The following BCL2L13 variants were observed in gnomAD, a reference collection of about 807,000 sequenced individuals.
The protein encoded by BCL2L13 is BCL2 like 13.
BCL2L13 carries 13 observed loss-of-function variants against 25.8 expected under a neutral mutation model. The ratio of observed to expected loss-of-function variants is 0.50; its 90% CI spans 0.33 to 0.80. The LOEUF (loss-of-function observed/expected upper bound fraction) is 0.80. BCL2L13 is among the 30% of genes least tolerant of loss of function. BCL2L13 has a pLI of 0.02. For synonymous variants in BCL2L13, 244 were observed against 230.3 expected (o/e 1.06, Z -0.54); for missense variants, 504 against 574.9 (o/e 0.88, Z 1.26).
intron 4 of BCL2L13, among the ~76,000 whole-genome samples, chr22:17,689,888 A>G (rs1335184396): frequency 1.3e-5 from 2 of 151,314 alleles, no homozygotes; most frequent in Non-Finnish European, 2.9e-5. Context: ...TCTGTATCCC[A>G]GAAGTTGCTC....
At position 17,727,519 on chromosome 22, in the gene BCL2L13, T is replaced by C; in HGVS notation, c.1443T>C (p.Ala481=). ...ILAVAIGVAL[A]LRKK is the part of the protein sequence containing the mutation. ...CAGTGGCCATCGGGGTAGCCCTGGC[T>C]CTGAGAAAGAAATAGGAGGCTTTTC... The change falls in exon 7 of 7, where the codon GCT becomes GCC. Residue 481 remains alanine, a synonymous_variant. Coordinates refer to ENST00000317582, the MANE Select transcript of BCL2L13 (RefSeq NM_015367.4). The C allele has an allele frequency of 6.2e-7, 1 of 1,614,038 alleles. No homozygotes were observed. Among genetic ancestry groups the C allele is most frequent in the South Asian group, 1.1e-5 (1 of 91,080 alleles).
At position 17,638,807 on chromosome 22, in the gene BCL2L13, C is replaced by G. The variant is rs538605210; in HGVS notation, c.-130C>G. On this transcript the variant is annotated 5_prime_UTR_variant, in exon 1 of 7. Coordinates refer to ENST00000317582, the MANE Select transcript of BCL2L13 (RefSeq NM_015367.4). ...GATTAGGGCCGCGGGTCGGAGCACT[C>G]ACCGCCGCTGGGGGACCCTGTCGGA... 5.7e-6 allele frequency: 7 copies of G among 1,231,838 alleles called. No homozygotes were observed. In the East Asian group the frequency reaches 9.5e-5, roughly 17 times the overall value. The allele number at this position is 1,231,838 out of a possible 1,614,324, so 76.3% of individuals were successfully genotyped here.
At position 17,728,557 on chromosome 22, in the gene BCL2L13, A is replaced by AT. The variant is rs1205043119; in HGVS notation, c.*1029dup. On this transcript the variant is annotated 3_prime_UTR_variant, in exon 7 of 7. Coordinates refer to ENST00000317582, the MANE Select transcript of BCL2L13 (RefSeq NM_015367.4). ...CCTGTCTATAACCTTGGGCTAGTAT[A>AT]TTTTTTCCAATATGGGACCTTAGTC... The AT allele has an allele frequency of 4.6e-5, 7 of 151,992 alleles. No homozygotes were observed. The highest frequency in any genetic ancestry group is 1.0e-4 in the Non-Finnish European group (7 of 67,998). The allele number at this position is 151,992 out of a possible 1,614,324, so 9.4% of individuals were successfully genotyped here.
In BCL2L13 at chr22:17,670,404, C is replaced by T. The variant is rs1021723348; in HGVS notation, c.122-12810C>T. Among the ~76,000 whole-genome samples, 25 of 126,102 alleles carry T rather than the reference C, an allele frequency of 2.0e-4. No homozygotes were observed. The East Asian group carries it at 2.3e-3, about 12-fold the overall frequency. 82.7% of individuals were successfully genotyped at this position (126,102 alleles called of 152,430 possible). On this transcript the variant is annotated intron_variant, in intron 2 of 6. Transcript: ENST00000317582. ...TTTTTTTTTTTTTAAGACAGAGTTT[C>T]GCTCTTGTTGCCCAGGTTGGAGTGC...
chr22:17,630,267 A>T (rs1424709187), intron 1 of BCL2L13, among the ~76,000 whole-genome samples: 1 of 150,588 alleles, frequency 6.6e-6, no homozygotes, highest in Non-Finnish European at 1.5e-5. Context: ...TCAATCCATC[A>T]ATGTACTTTA....
chr22:17,721,152 A>T (rs1456566316), intron 6 of BCL2L13, among the ~76,000 whole-genome samples: 1 of 146,480 alleles, frequency 6.8e-6, no homozygotes, highest in Non-Finnish European at 1.5e-5. Flanking sequence ...CCTGGGGGAC[A>T]GGGCGAGACT....
intron 1 of BCL2L13, among the ~76,000 whole-genome samples, chr22:17,644,387 G>A (rs1190464464): frequency 6.7e-6 from 1 of 148,496 alleles, no homozygotes; most frequent in Non-Finnish European, 1.5e-5. Context: ...CTGAAGTGCA[G>A]TGGCACTATC....
chr22:17,648,722 G>T (rs2058577465), intron 1 of BCL2L13, among the ~76,000 whole-genome samples: 1 of 151,814 alleles, frequency 6.6e-6, no homozygotes, highest in African/African-American at 2.4e-5. Context: ...AGAGTTAAAG[G>T]TGGAAGATGA....
intron 1 of BCL2L13, among the ~76,000 whole-genome samples, chr22:17,646,380 G>A (rs1184545697): frequency 6.6e-6 from 1 of 151,258 alleles, no homozygotes; most frequent in East Asian, 1.9e-4. Context: ...CTGAGTAGCT[G>A]GGATTACAGG....
At chr22:17,673,944 C>T (rs372741915) in intron 2 of BCL2L13, among the ~76,000 whole-genome samples, 5 of 152,126 alleles carry the variant, frequency 3.3e-5, no homozygotes, top group Middle Eastern at 3.4e-3. Flanking sequence ...AAGTTTTTAT[C>T]ATAGTAGATA....
chr22:17,710,067 TAAAAAAAAAAA>T (rs71201876), intron 6 of BCL2L13, among the ~76,000 whole-genome samples: 15 of 91,794 alleles, frequency 1.6e-4, no homozygotes, highest in Admixed American at 2.7e-4. Flanking sequence ...GACCTTGTCT[TAAAAAAAAAAA>T]AAAAAAAAAA....
In BCL2L13 at chr22:17,712,339, A is replaced by G. The variant is rs114021831; in HGVS notation, c.600+9953A>G. Among the ~76,000 whole-genome samples the G allele has an allele frequency of 5.8e-3, 882 of 152,366 alleles. 9 individuals carry two copies. The highest frequency in any genetic ancestry group is 0.02 in the African/African-American group (846 of 41,578). ...TCATCACTTTCCTGTTAGTGACATT[A>G]CATTACAGAGATTTGAGGATGGAGG... On this transcript the variant is annotated intron_variant, in intron 6 of 6. Coordinates refer to ENST00000317582, the MANE Select transcript of BCL2L13 (RefSeq NM_015367.4).
chr22:17,669,030 CTTTTT>C (rs537315017), intron 2 of BCL2L13, among the ~76,000 whole-genome samples: 17 of 111,834 alleles, frequency 1.5e-4, no homozygotes, highest in African/African-American at 4.5e-4. Flanking sequence ...CTGTTTCTTT[CTTTTT>C]TTTTTTTTTT....
At chr22:17,705,260 C>T (rs887698888) in intron 6 of BCL2L13, among the ~76,000 whole-genome samples, 15 of 150,722 alleles carry the variant, frequency 1.0e-4, no homozygotes, top group African/African-American at 2.4e-4. Flanking sequence ...GCAACAAGAG[C>T]GAAACTCTGT....
At chr22:17,639,381 C>T (rs2058186085) in intron 1 of BCL2L13, among the ~76,000 whole-genome samples, 2 of 152,226 alleles carry the variant, frequency 1.3e-5, no homozygotes, top group African/African-American at 4.8e-5. Context: ...GCTGTTCTGA[C>T]ACCTATTTTT....
At chr22:17,669,991 G>A (rs2059364857) in intron 2 of BCL2L13, among the ~76,000 whole-genome samples, 3 of 152,096 alleles carry the variant, frequency 2.0e-5, no homozygotes, top group Admixed American at 2.0e-4. Context: ...GGGATCTCTT[G>A]TTGTTGTCTC....
chr22:17,646,955 A>ATTTTTTTTTTTTTTTTT (rs149460093), intron 1 of BCL2L13, among the ~76,000 whole-genome samples: 1 of 22,186 alleles, frequency 4.5e-5, no homozygotes, highest in Non-Finnish European at 7.7e-5. Context: ...ATATATATAT[A>ATTTTTTTTTTTTTTTTT]TTTTTTTTTT....
intron 3 of BCL2L13, among the ~76,000 whole-genome samples, chr22:17,687,586 G>A (rs71328230): frequency 0.14 from 21,207 of 151,922 alleles, 2,037 homozygotes; most frequent in Non-Finnish European, 0.21. Context: ...TCGCAGTCTC[G>A]GCCTACTGCA....
chr22:17,684,995 A>C (rs770881298), intron 3 of BCL2L13, among the ~76,000 whole-genome samples: 1 of 151,956 alleles, frequency 6.6e-6, no homozygotes, highest in Non-Finnish European at 1.5e-5. Flanking sequence ...TTGGCCTCCC[A>C]AAGTGCTGGG....
Sources: allele counts gnomAD v4.1 joint callset (sites outside exome capture counted in the v4.1 genomes callset), GRCh38; gene constraint gnomAD v4.1.1; transcripts MANE v1.5; gene names NCBI Gene and HGNC (gene_info 2026-07-23, HGNC 2026-07-21).